The following TMEM128 variants were observed in gnomAD, a reference collection of about 807,000 sequenced individuals.
The protein encoded by TMEM128 is transmembrane protein 128.
A neutral mutation model predicts 19.7 loss-of-function variants in TMEM128; 16 were observed. The ratio of observed to expected loss-of-function variants is 0.81; its 90% CI spans 0.55 to 1.23. TMEM128 has a LOEUF of 1.23. Among genes scored for constraint, TMEM128 ranks in the 50% most tolerant of loss-of-function variants. TMEM128 has a pLI of 0.00. For synonymous variants in TMEM128, 98 were observed against 75.8 expected (o/e 1.29, Z -1.52); for missense variants, 237 against 200.8 (o/e 1.18, Z -1.09).
At position 4,246,303 on chromosome 4, in the gene TMEM128, T is replaced by A; in HGVS notation, c.138A>T (p.Pro46=). 6.2e-7 allele frequency: 1 copy of A among 1,612,648 alleles called. No homozygotes were observed. The highest frequency in any genetic ancestry group is 2.2e-5 in the East Asian group (1 of 44,782). The change falls in exon 2 of 5, where the codon CCA becomes CCT. Residue 46 remains proline (P), a synonymous_variant. Transcript: ENST00000382753. ...TAVEKKEKPL[P]RLNIHSGFWI... is the part of the protein sequence containing the mutation. ...AGAATCCAGAATGGATATTAAGTCT[T>A]GGAAGAGGTTTCTCCTTTTTCTCAA...
chr4:4,246,790 C>T (rs903619025), intron 1 of TMEM128, among the ~76,000 whole-genome samples: 4 of 151,996 alleles, frequency 2.6e-5, no homozygotes, highest in African/African-American at 9.7e-5. Flanking sequence ...CTCTGTCGCC[C>T]GGGTTGGAGT....
rs186568709 is a variant in TMEM128 at position 4,244,455 on chromosome 4, C to A, written c.239+1747G>T. Among the ~76,000 whole-genome samples, 12 of 152,286 alleles carry A rather than the reference C, an allele frequency of 7.9e-5. No individual in the cohort carries two copies. In the East Asian group the frequency reaches 2.1e-3, roughly 27 times the overall value. On this transcript the variant is annotated intron_variant, in intron 2 of 4. Transcript: ENST00000382753. The stretch of plus-strand genomic sequence containing the variant: ...CACCACTACACTCCAGCCTGGGTGA[C>A]AGAGTGCAGCGAGACCCTGTCTCAA...
In TMEM128 at chr4:4,236,383, A is replaced by T. The variant is rs754370302; in HGVS notation, c.*10-127T>A. Reference sequence around the variant, plus strand: ...CACTAAAAAGCATAGTTCACTCTGTAATCTACAACATTGTCTGAGTCTCCA... The same window carrying T: ...CACTAAAAAGCATAGTTCACTCTGTTATCTACAACATTGTCTGAGTCTCCA... On this transcript the variant is annotated intron_variant, in intron 4 of 4. Coordinates refer to ENST00000382753, the MANE Select transcript of TMEM128 (RefSeq NM_001297551.2). 53 of 152,242 alleles carry T rather than the reference A, an allele frequency of 3.5e-4. 1 individual carries two copies. The highest frequency in any genetic ancestry group is 9.4e-4 in the African/African-American group (39 of 41,460). The allele number at this position is 152,242 out of a possible 1,614,324, so 9.4% of individuals were successfully genotyped here. A position where few individuals can be genotyped will look rare whatever the true frequency, so the allele number is the denominator to read the frequency against.
Position 4,246,296 on chromosome 4 carries a change from TAA to T in TMEM128, c.143_144del (p.Leu48GlnfsTer19). 2 of 1,613,090 alleles carry T rather than the reference TAA, an allele frequency of 1.2e-6. No individual in the cohort carries two copies. Among genetic ancestry groups the T allele is most frequent in the African/African-American group, 2.7e-5 (2 of 75,038 alleles). On this transcript the variant is annotated frameshift_variant, in exon 2 of 5. Transcript: ENST00000382753. LOFTEE classifies it high-confidence loss of function. ...VEKKEKPLPR[L>X]NIHSGFWILA... is the part of the protein sequence containing the mutation. ...AAAATCCAGAATCCAGAATGGATATTAAGTCTTGGAAGAGGTTTCTCCTTTTT... is the reference window on the plus strand; with the variant it reads ...AAAATCCAGAATCCAGAATGGATATTGTCTTGGAAGAGGTTTCTCCTTTTT...
At chr4:4,236,638 C>T (rs1209873092) in intron 4 of TMEM128, among the ~76,000 whole-genome samples, 1 of 152,204 alleles carries the variant, frequency 6.6e-6, no homozygotes, top group Non-Finnish European at 1.5e-5. Flanking sequence ...GGTCCCAAGA[C>T]ACAGCAAGGT....
At chr4:4,237,019 T>G (rs57797443) in intron 4 of TMEM128, 80,939 of 448,316 alleles carry the variant, frequency 0.18, 7,929 homozygotes, top group East Asian at 0.29. Context: ...AACAGAGTTA[T>G]CCGACACTCA....
intron 4 of TMEM128, among the ~76,000 whole-genome samples, chr4:4,237,466 CTG>C (rs1191259404): frequency 6.6e-6 from 1 of 152,154 alleles, no homozygotes; most frequent in Non-Finnish European, 1.5e-5. Flanking sequence ...TAAGGAGACT[CTG>C]TTTCTACAAA....
chr4:4,237,099 A>G, intron 4 of TMEM128: 1 of 455,822 alleles, frequency 2.2e-6, no homozygotes, highest in Non-Finnish European at 4.4e-6. Context: ...CAGAAATTCT[A>G]TAAATAACAC....
Position 4,240,466 on chromosome 4 carries a change from C to T in TMEM128, c.253G>A (p.Gly85Ser). Residue 85 changes from glycine (G) to serine (S), a missense_variant, in exon 3 of 5, where the codon GGC becomes AGC. Transcript: ENST00000382753. ...AAACTGACAAGCAACAAGGCACTGCCACAGAGAAACCAGCTGTGGAGATAA... is the reference window on the plus strand; with the variant it reads ...AAACTGACAAGCAACAAGGCACTGCTACAGAGAAACCAGCTGTGGAGATAA... ...NFHTSSWFLC[G>S]SALLLVSLSI... 1.2e-6 allele frequency: 2 copies of T among 1,613,066 alleles called. No individual in the cohort carries two copies. The highest frequency in any genetic ancestry group is 1.7e-6 in the Non-Finnish European group (2 of 1,179,392).
rs34882965 is a variant in TMEM128, at chr4:4,236,259, TAAAAAAAAAAA to T, written c.*10-14_*10-4del. On this transcript the variant is annotated splice_region_variant and splice_polypyrimidine_tract_variant and intron_variant, in intron 4 of 4. Coordinates refer to ENST00000382753, the MANE Select transcript of TMEM128 (RefSeq NM_001297551.2). ...GGGCAACATAGAAGACCCTGTCTCT[TAAAAAAAAAAA>T]AAAAAAAAAGTGTATGTCCTTAAAT... 1 of 128,138 alleles carries T rather than the reference TAAAAAAAAAAA, an allele frequency of 7.8e-6. No homozygotes were observed. The highest frequency in any genetic ancestry group is 1.7e-5 in the Non-Finnish European group (1 of 58,982). The allele number at this position is 128,138 out of a possible 1,614,324, so 7.9% of individuals were successfully genotyped here.
At position 4,248,217 on chromosome 4, in the gene TMEM128, G is replaced by T. The variant is rs780663111; in HGVS notation, c.-15C>A. On this transcript the variant is annotated 5_prime_UTR_variant, in exon 1 of 5. Transcript: ENST00000382753. ...GAGGAGTCCATCTTGGTACCGCCCC[G>T]AAATGCGACGGAAGTGACGTCAGAC... 5.4e-6 allele frequency: 8 copies of T among 1,489,708 alleles called. No homozygotes were observed. In the African/African-American group the frequency reaches 1.0e-4, roughly 19 times the overall value. The allele number at this position is 1,489,708 out of a possible 1,614,324, so 92.3% of individuals were successfully genotyped here.
At chr4:4,240,968 T>C (rs778622720) in intron 2 of TMEM128, among the ~76,000 whole-genome samples, 15 of 152,144 alleles carry the variant, frequency 9.9e-5, no homozygotes, top group Non-Finnish European at 1.5e-4. Flanking sequence ...TCCAATCTTC[T>C]TGGGAGGATG....
In TMEM128 at chr4:4,236,267, A is replaced by G. The variant is rs1436548476; in HGVS notation, c.*10-11T>C. On this transcript the variant is annotated splice_polypyrimidine_tract_variant and intron_variant, in intron 4 of 4. Coordinates refer to ENST00000382753, the MANE Select transcript of TMEM128 (RefSeq NM_001297551.2). Reference sequence around the variant, plus strand: ...TAGAAGACCCTGTCTCTTAAAAAAAAAAAAAAAAAAAAGTGTATGTCCTTA... The same window carrying G: ...TAGAAGACCCTGTCTCTTAAAAAAAGAAAAAAAAAAAAGTGTATGTCCTTA... The G allele has an allele frequency of 1.3e-5, 2 of 152,026 alleles. No homozygotes were observed. The highest frequency in any genetic ancestry group is 2.9e-5 in the Non-Finnish European group (2 of 67,940). The allele number at this position is 152,026 out of a possible 1,614,324, so 9.4% of individuals were successfully genotyped here. A position where few individuals can be genotyped will look rare whatever the true frequency, so the allele number is the denominator to read the frequency against.
At chr4:4,240,524 T>C (rs1199804370) in intron 2 of TMEM128, 45 bp from the exon 3 acceptor site, 1 of 1,571,994 alleles carries the variant, frequency 6.4e-7, no homozygotes, top group Non-Finnish European at 8.6e-7. Flanking sequence ...ACTTAATGAA[T>C]CGTCACATAT....
chr4:4,245,431 C>A (rs1262605861), intron 2 of TMEM128, among the ~76,000 whole-genome samples: 1 of 152,158 alleles, frequency 6.6e-6, no homozygotes, highest in African/African-American at 2.4e-5. Flanking sequence ...TAACCACCCT[C>A]TGAAACCAAC....
intron 2 of TMEM128, among the ~76,000 whole-genome samples, chr4:4,244,698 A>G (rs981458953): frequency 2.0e-5 from 3 of 152,162 alleles, no homozygotes; most frequent in African/African-American, 7.2e-5. Context: ...ATGAAAACCT[A>G]GAGACCTTTT....
At chr4:4,241,159 G>A (rs1445263370) in intron 2 of TMEM128, among the ~76,000 whole-genome samples, 3 of 152,208 alleles carry the variant, frequency 2.0e-5, no homozygotes. Flanking sequence ...AGTTTTGAGT[G>A]TGACAGGATT....
At chr4:4,246,826 C>T (rs1173870638) in intron 1 of TMEM128, among the ~76,000 whole-genome samples, 1 of 151,998 alleles carries the variant, frequency 6.6e-6, no homozygotes, top group African/African-American at 2.4e-5. Context: ...CGGCTCACTG[C>T]AACCACCGCC....
At chr4:4,242,709 G>C (rs1404281256) in intron 2 of TMEM128, among the ~76,000 whole-genome samples, 2 of 151,902 alleles carry the variant, frequency 1.3e-5, no homozygotes, top group Non-Finnish European at 2.9e-5. Flanking sequence ...AGTAGAGATG[G>C]GGTCTCACCA....
Sources: allele counts gnomAD v4.1 joint callset (sites outside exome capture counted in the v4.1 genomes callset), GRCh38; gene constraint gnomAD v4.1.1; transcripts MANE v1.5; gene names NCBI Gene and HGNC (gene_info 2026-07-23, HGNC 2026-07-21).